The following FILIP1 variants were observed in gnomAD, a reference collection of about 807,000 sequenced individuals.
FILIP1 encodes filamin-A-interacting protein 1.
Under a neutral mutation model 102.1 loss-of-function variants are expected in FILIP1, and 61 were observed. The observed-to-expected ratio is 0.60, with a 90% confidence interval of 0.49 to 0.74. The LOEUF is 0.74. Ranked by LOEUF, FILIP1 falls within the 30% of genes least tolerant of loss-of-function variation. FILIP1 has a pLI of 0.00. For missense variants in FILIP1, 1,314 were observed against 1,441.2 expected (o/e 0.91, Z 1.43); for synonymous variants, 491 against 526.9 (o/e 0.93, Z 0.93).
intron 4 of FILIP1, among the ~76,000 whole-genome samples, chr6:75,329,440 A>T (rs1326804290): frequency 6.6e-6 from 1 of 152,204 alleles, no homozygotes; most frequent in Non-Finnish European, 1.5e-5. Flanking sequence ...TGCAACACAA[A>T]TGTCACCAAA....
At chr6:75,485,192 C>G (rs972239739) in intron 1 of FILIP1, among the ~76,000 whole-genome samples, 2 of 152,168 alleles carry the variant, frequency 1.3e-5, no homozygotes, top group Non-Finnish European at 2.9e-5. Context: ...AGAAAACAGA[C>G]AGCCTTCGTG....
chr6:75,435,953 A>G (rs1353849187), intron 1 of FILIP1, among the ~76,000 whole-genome samples: 2 of 152,162 alleles, frequency 1.3e-5, no homozygotes, highest in African/African-American at 4.8e-5. Flanking sequence ...ACCTTGATCA[A>G]CTGGAACACT....
chr6:75,315,738 G>C (rs919689780), intron 4 of FILIP1, among the ~76,000 whole-genome samples: 2 of 152,228 alleles, frequency 1.3e-5, no homozygotes, highest in Admixed American at 1.3e-4. Flanking sequence ...GAGTCAGTAA[G>C]TGGCAGGGCT....
intron 1 of FILIP1, among the ~76,000 whole-genome samples, chr6:75,469,273 TAG>T (rs538781680): frequency 3.5e-4 from 54 of 152,184 alleles, no homozygotes; most frequent in African/African-American, 1.3e-3. Flanking sequence ...TTAATAAATG[TAG>T]AGAGACACTG....
At chr6:75,394,229 C>A (rs1776380217) in intron 2 of FILIP1, among the ~76,000 whole-genome samples, 1 of 152,064 alleles carries the variant, frequency 6.6e-6, no homozygotes, top group Non-Finnish European at 1.5e-5. Context: ...CCTGACTAGA[C>A]CCTGACTCTT....
intron 4 of FILIP1, among the ~76,000 whole-genome samples, chr6:75,333,798 T>C (rs1459242439): frequency 6.6e-6 from 1 of 152,220 alleles, no homozygotes; most frequent in East Asian, 1.9e-4. Flanking sequence ...TTATACACTC[T>C]GCTGAATTTA....
chr6:75,450,812 G>A (rs868425093), intron 1 of FILIP1, among the ~76,000 whole-genome samples: 11 of 151,982 alleles, frequency 7.2e-5, no homozygotes, highest in South Asian at 4.2e-4. Context: ...AAAATTAGCC[G>A]GGCATGGTGG....
chr6:75,456,273 C>G (rs1049565817), intron 1 of FILIP1, among the ~76,000 whole-genome samples: 4 of 152,180 alleles, frequency 2.6e-5, no homozygotes, highest in Admixed American at 6.5e-5. Context: ...GACAGCCCCC[C>G]ACCCCAACAA....
At chr6:75,491,383 T>C (rs1301783160) in intron 1 of FILIP1, among the ~76,000 whole-genome samples, 1 of 152,040 alleles carries the variant, frequency 6.6e-6, no homozygotes, top group Non-Finnish European at 1.5e-5. Context: ...GATGGAAGGT[T>C]TTCAAAATAC....
intron 1 of FILIP1, among the ~76,000 whole-genome samples, chr6:75,455,824 G>C (rs984567758): frequency 6.6e-6 from 1 of 152,174 alleles, no homozygotes; most frequent in African/African-American, 2.4e-5. Flanking sequence ...CTAAGGTCAA[G>C]ATACTATTAG....
chr6:75,457,828 T>C (rs1052816062), intron 1 of FILIP1, among the ~76,000 whole-genome samples: 1 of 152,116 alleles, frequency 6.6e-6, no homozygotes, highest in Non-Finnish European at 1.5e-5. Flanking sequence ...TCCAAAAATC[T>C]GATCTAATGG....
rs138036686 is a variant in FILIP1 at position 75,348,932 on chromosome 6, TGTCATA to T, written c.629+4601_629+4606del. Among the ~76,000 whole-genome samples, 694 of 152,154 alleles carry T rather than the reference TGTCATA, an allele frequency of 4.6e-3. 17 individuals are homozygous for T. The East Asian group carries it at 0.062, about 14-fold the overall frequency. ...AGTCATTCTGCCTTTCAAAATTTTG[TGTCATA>T]GTTTGGATATAAGAGGGTGGGGTGG... On this transcript the variant is annotated intron_variant, in intron 4 of 5. Coordinates refer to ENST00000237172, the MANE Select transcript of FILIP1 (RefSeq NM_015687.5).
At chr6:75,327,414 T>C (rs1773901712) in intron 4 of FILIP1, among the ~76,000 whole-genome samples, 1 of 152,000 alleles carries the variant, frequency 6.6e-6, no homozygotes, top group Non-Finnish European at 1.5e-5. Flanking sequence ...GAAGCCGGAA[T>C]GATCCTAAAA....
chr6:75,342,533 AGTT>A (rs1774448299), intron 4 of FILIP1, among the ~76,000 whole-genome samples: 1 of 152,216 alleles, frequency 6.6e-6, no homozygotes, highest in Non-Finnish European at 1.5e-5. Context: ...ACCCAAGCCT[AGTT>A]TCCTTTAGTA....
chr6:75,335,706 T>C (rs895678255), intron 4 of FILIP1, among the ~76,000 whole-genome samples: 3 of 152,210 alleles, frequency 2.0e-5, no homozygotes, highest in Non-Finnish European at 2.9e-5. Context: ...GATAAATTAG[T>C]CAAATTAACT....
chr6:75,457,217 T>A (rs1778866710), intron 1 of FILIP1, among the ~76,000 whole-genome samples: 1 of 152,138 alleles, frequency 6.6e-6, no homozygotes, highest in South Asian at 2.1e-4. Context: ...GACCCTAAAT[T>A]CGTCAGATGA....
At chr6:75,323,910 A>G (rs1773745025) in intron 4 of FILIP1, among the ~76,000 whole-genome samples, 1 of 152,004 alleles carries the variant, frequency 6.6e-6, no homozygotes, top group South Asian at 2.1e-4. Flanking sequence ...TTTCCTCTGC[A>G]CTCTCTTTCC....
At chr6:75,467,208 T>G (rs1779194636) in intron 1 of FILIP1, among the ~76,000 whole-genome samples, 1 of 152,204 alleles carries the variant, frequency 6.6e-6, no homozygotes, top group Non-Finnish European at 1.5e-5. Context: ...TTCTTTTACT[T>G]TTTTTACTTT....
At chr6:75,417,448 A>G (rs566648711) in intron 1 of FILIP1, among the ~76,000 whole-genome samples, 9 of 152,352 alleles carry the variant, frequency 5.9e-5, no homozygotes, top group African/African-American at 1.2e-4. Flanking sequence ...TAATTTCTCA[A>G]AAGAATAACT....
Sources: allele counts gnomAD v4.1 joint callset (sites outside exome capture counted in the v4.1 genomes callset), GRCh38; gene constraint gnomAD v4.1.1; transcripts MANE v1.5; gene names NCBI Gene and HGNC (gene_info 2026-07-23, HGNC 2026-07-21).